NHSL1: variants seen among roughly 807,000 people sequenced by gnomAD.
NHSL1 encodes the protein NHS like 1.
A neutral mutation model predicts 95.0 loss-of-function variants in NHSL1; 48 were observed. The ratio of observed to expected loss-of-function variants is 0.51; its 90% CI spans 0.40 to 0.64. The LOEUF (loss-of-function observed/expected upper bound fraction) is 0.64, where lower values mean the gene tolerates loss of function less well. NHSL1 is among the 30% of genes least tolerant of loss of function. NHSL1 has a pLI of 0.00. For synonymous variants in NHSL1, 783 were observed against 833.9 expected (o/e 0.94, Z 1.05); for missense variants, 1,971 against 2,077.7 (o/e 0.95, Z 1.00).
At chr6:138,433,751 C>T (rs1562266456) in intron 5 of NHSL1, 71 bp from the exon 6 acceptor site, 3 of 1,382,858 alleles carry the variant, frequency 2.2e-6, no homozygotes, top group East Asian at 5.3e-5. Context: ...TACCCTCACC[C>T]CTCTGACAGA....
chr6:138,441,277 T>C (rs1227384070), intron 5 of NHSL1, among the ~76,000 whole-genome samples: 2 of 152,134 alleles, frequency 1.3e-5, no homozygotes, highest in African/African-American at 2.4e-5. Flanking sequence ...GACCTTCTGG[T>C]ATTATGGGCC....
chr6:138,431,958 G>T lies in NHSL1; in HGVS notation c.2387C>A (p.Pro796Gln), dbSNP rs1052760043. 1 of 1,551,748 alleles carries T rather than the reference G, an allele frequency of 6.4e-7. No homozygotes were observed. Among genetic ancestry groups the T allele is most frequent in the Non-Finnish European group, 8.7e-7 (1 of 1,146,992 alleles). The change falls in exon 6 of 8, where the codon CCG (proline) becomes CAG (glutamine). Residue 796 changes from proline (P) to glutamine (Q), a missense_variant. Transcript: ENST00000343505. The surrounding 1 kb of genome is among the most constrained non-coding windows in gnomAD (Gnocchi z 4.0). ...YTGMQEDPGN[P>Q]AGGCSTSSGV... The stretch of plus-strand genomic sequence containing the variant: ...ACTGCTGGTTGAACAGCCCCCTGCC[G>T]GGTTCCCCGGATCTTCCTGCATGCC...
At chr6:138,452,237 T>C (rs769551475) in intron 3 of NHSL1, among the ~76,000 whole-genome samples, 39 of 152,168 alleles carry the variant, frequency 2.6e-4, no homozygotes, top group Admixed American at 7.2e-4. Context: ...ACACTGACAG[T>C]TACTTTGTAA....
chr6:138,688,082 G>T (rs1785610693), intron 1 of NHSL1, among the ~76,000 whole-genome samples: 1 of 152,174 alleles, frequency 6.6e-6, no homozygotes, highest in Non-Finnish European at 1.5e-5. Context: ...CTCCCAAGTA[G>T]CTGAGATTAC....
intron 1 of NHSL1, among the ~76,000 whole-genome samples, chr6:138,516,251 G>A (rs982729119): frequency 2.0e-5 from 3 of 152,188 alleles, no homozygotes; most frequent in African/African-American, 4.8e-5. Flanking sequence ...GAGTGTGGGC[G>A]TGGAGTCAAA....
intron 1 of NHSL1, among the ~76,000 whole-genome samples, chr6:138,505,896 T>C (rs1040618734): frequency 6.6e-6 from 1 of 152,180 alleles, no homozygotes; most frequent in African/African-American, 2.4e-5. Flanking sequence ...TTTTAGGGTG[T>C]TTTTAAAAAT....
At chr6:138,507,051 A>C (rs1407406054) in intron 1 of NHSL1, among the ~76,000 whole-genome samples, 1 of 152,156 alleles carries the variant, frequency 6.6e-6, no homozygotes, top group African/African-American at 2.4e-5. Flanking sequence ...TAAATCTTAG[A>C]TATTTGAACC....
upstream of NHSL1, among the ~76,000 whole-genome samples, chr6:138,550,165 G>A (rs543633532): frequency 1.1e-3 from 162 of 152,264 alleles, 2 homozygotes; most frequent in African/African-American, 3.6e-3. Flanking sequence ...CTTGAACCTG[G>A]GAGGCGGAGG....
intron 1 of NHSL1, among the ~76,000 whole-genome samples, chr6:138,687,862 T>C (rs1785606118): frequency 6.6e-6 from 1 of 152,070 alleles, no homozygotes; most frequent in Non-Finnish European, 1.5e-5. Flanking sequence ...TAGTTATGAG[T>C]ATGGGGTTTC....
intron 1 of NHSL1, among the ~76,000 whole-genome samples, chr6:138,517,470 C>T (rs893085502): frequency 1.5e-4 from 23 of 152,156 alleles, no homozygotes; most frequent in African/African-American, 5.1e-4. Flanking sequence ...GTATCACATA[C>T]ATTCTGATAA....
chr6:138,684,380 A>G (rs560412103), intron 1 of NHSL1, among the ~76,000 whole-genome samples: 16 of 151,800 alleles, frequency 1.1e-4, no homozygotes, highest in African/African-American at 1.7e-4. Context: ...GGGCGCGGTG[A>G]CTCAAGCCTG....
At chr6:138,459,053 G>C (rs1777823210) in intron 3 of NHSL1, among the ~76,000 whole-genome samples, 1 of 152,124 alleles carries the variant, frequency 6.6e-6, no homozygotes, top group Non-Finnish European at 1.5e-5. Flanking sequence ...CTGGAGTGCA[G>C]TGGCACACTC....
At chr6:138,466,980 G>A (rs183781296) in intron 3 of NHSL1, among the ~76,000 whole-genome samples, 1,983 of 151,902 alleles carry the variant, frequency 0.013, 26 homozygotes, top group Non-Finnish European at 0.022. Flanking sequence ...AGCTGAGATC[G>A]TGCCACTGCA....
In NHSL1 at chr6:138,435,757, G is replaced by A. The variant is rs540947190; in HGVS notation, c.665-2077C>T. ...GTTTTTGTTTTTTTTTTTACAAGTC[G>A]AAGGTTTGTGGCAACCCTGTGTTGA... On this transcript the variant is annotated intron_variant, in intron 5 of 7. Transcript: ENST00000343505. 7.2e-4 allele frequency among the ~76,000 whole-genome samples: 107 copies of A among 149,372 alleles called. 1 individual carries two copies. Among genetic ancestry groups the A allele is most frequent in the Non-Finnish European group, 1.4e-3 (95 of 67,538 alleles).
upstream of NHSL1, among the ~76,000 whole-genome samples, chr6:138,547,500 C>G (rs1038999881): frequency 2.0e-5 from 3 of 152,180 alleles, no homozygotes; most frequent in African/African-American, 4.8e-5. Flanking sequence ...CCTGCCTCAG[C>G]CTTCCGAGTA....
At chr6:138,691,515 A>C (rs754388148) in intron 1 of NHSL1, among the ~76,000 whole-genome samples, 20 of 152,284 alleles carry the variant, frequency 1.3e-4, no homozygotes, top group Admixed American at 5.9e-4. Flanking sequence ...AGGAGAAAAA[A>C]CTATTTCATC....
At chr6:138,592,589 G>A (rs942895158) in intron 1 of NHSL1, among the ~76,000 whole-genome samples, 4 of 150,906 alleles carry the variant, frequency 2.7e-5, no homozygotes, top group Non-Finnish European at 4.4e-5. Flanking sequence ...GCGACAGAGC[G>A]AGACTGTCGC....
chr6:138,522,943 T>A (rs187493774), intron 1 of NHSL1, among the ~76,000 whole-genome samples: 9 of 152,332 alleles, frequency 5.9e-5, no homozygotes, highest in African/African-American at 2.2e-4. Flanking sequence ...ATGACAATAA[T>A]CTTCAGGCGG....
At chr6:138,680,508 A>C (rs1470564326) in intron 1 of NHSL1, among the ~76,000 whole-genome samples, 1 of 152,272 alleles carries the variant, frequency 6.6e-6, no homozygotes, top group Non-Finnish European at 1.5e-5. Context: ...AAAGCAATTC[A>C]CATTTAGCAT....
Sources: allele counts gnomAD v4.1 joint callset (sites outside exome capture counted in the v4.1 genomes callset), GRCh38; gene constraint gnomAD v4.1.1; non-coding constraint Gnocchi (gnomAD v3.1); transcripts MANE v1.5; gene names NCBI Gene and HGNC (gene_info 2026-07-23, HGNC 2026-07-21).